The following JMJD1C variants were observed in gnomAD, a reference collection of about 807,000 sequenced individuals.
JMJD1C encodes jumonji domain-containing protein 1C.
JMJD1C carries 31 observed loss-of-function variants against 245.3 expected under a neutral mutation model. The observed-to-expected ratio is 0.13, with a 90% CI of 0.09 to 0.17. The LOEUF (loss-of-function observed/expected upper bound fraction) is 0.17, where lower values mean the gene tolerates loss of function less well. JMJD1C is among the 10% of genes least tolerant of loss of function. The probability of loss-of-function intolerance (pLI) is 1.00; values close to 1 mark genes in which losing one functional copy is unlikely to be tolerated. For missense variants in JMJD1C, 2,691 were observed against 3,000.2 expected (o/e 0.90, Z 2.41); for synonymous variants, 1,057 against 1,017.4 (o/e 1.04, Z -0.74).
intron 3 of JMJD1C, among the ~76,000 whole-genome samples, chr10:63,254,858 C>A (rs572094878): frequency 3.6e-4 from 53 of 148,912 alleles, no homozygotes; most frequent in African/African-American, 1.2e-3. Context: ...TAGCTCCCCC[C>A]CTTTTTTTTT....
chr10:63,224,327 C>T (rs2133324759), intron 3 of JMJD1C, among the ~76,000 whole-genome samples: 1 of 152,180 alleles, frequency 6.6e-6, no homozygotes, highest in South Asian at 2.1e-4. Flanking sequence ...CAAAAATTAG[C>T]TTTCTTAAAA....
chr10:63,417,479 A>G (rs1381006871), intron 1 of JMJD1C, among the ~76,000 whole-genome samples: 1 of 152,208 alleles, frequency 6.6e-6, no homozygotes, highest in East Asian at 1.9e-4. Context: ...TTACAAATGA[A>G]CAATTTTAAA....
intron 1 of JMJD1C, among the ~76,000 whole-genome samples, chr10:63,392,988 C>G (rs969118448): frequency 4.0e-5 from 6 of 150,970 alleles, no homozygotes. Context: ...AAAATGAGTC[C>G]AGGAGCAGCG....
At chr10:63,176,798 ATTTTTTT>A (rs10577726) in intron 23 of JMJD1C, 3,636 of 135,598 alleles carry the variant, frequency 0.027, 59 homozygotes, top group Non-Finnish European at 0.037. Flanking sequence ...GGAACAGGGT[ATTTTTTT>A]TTTTTTTTTT....
At chr10:63,495,154 G>C (rs1330882377) in intron 1 of JMJD1C, among the ~76,000 whole-genome samples, 1 of 151,596 alleles carries the variant, frequency 6.6e-6, no homozygotes, top group Admixed American at 6.6e-5. Context: ...AATGCCTCGG[G>C]CACAAAGAAT....
chr10:63,293,791 T>TA (rs1270864612), intron 2 of JMJD1C, among the ~76,000 whole-genome samples: 2 of 151,528 alleles, frequency 1.3e-5, no homozygotes, highest in Non-Finnish European at 2.9e-5. Flanking sequence ...TTTCTCTAAT[T>TA]TTTTTTTTCA....
At chr10:63,233,743 C>A (rs971333128) in intron 3 of JMJD1C, among the ~76,000 whole-genome samples, 13 of 90,170 alleles carry the variant, frequency 1.4e-4, no homozygotes, top group African/African-American at 7.2e-4. Flanking sequence ...ATATATATAT[C>A]CACACACGCG....
At chr10:63,188,046 G>A (rs1429037442) in intron 18 of JMJD1C, among the ~76,000 whole-genome samples, 2 of 152,088 alleles carry the variant, frequency 1.3e-5, no homozygotes, top group African/African-American at 2.4e-5. Flanking sequence ...CCAGCCTCTT[G>A]TCCACCTAGC....
At chr10:63,497,014 T>C (rs1316419379) in intron 1 of JMJD1C, among the ~76,000 whole-genome samples, 1 of 152,334 alleles carries the variant, frequency 6.6e-6, no homozygotes, top group Middle Eastern at 3.4e-3. Flanking sequence ...ACCTTTGTTA[T>C]TGTACATGTT....
intron 2 of JMJD1C, among the ~76,000 whole-genome samples, chr10:63,286,444 G>A (rs143880044): frequency 3.0e-4 from 45 of 152,312 alleles, no homozygotes; most frequent in African/African-American, 8.9e-4. Context: ...GGCCTAGAGT[G>A]AATATATCTC....
intron 2 of JMJD1C, among the ~76,000 whole-genome samples, chr10:63,276,286 G>T (rs1054679658): frequency 1.3e-5 from 2 of 152,006 alleles, no homozygotes; most frequent in African/African-American, 4.8e-5. Context: ...CTAAAACGGT[G>T]AAACCCCGTC....
At chr10:63,262,157 G>A (rs1039540504) in intron 3 of JMJD1C, among the ~76,000 whole-genome samples, 3 of 152,136 alleles carry the variant, frequency 2.0e-5, no homozygotes, top group African/African-American at 7.2e-5. Context: ...GATAGGTCAA[G>A]GCACTATTTA....
chr10:63,337,074 C>T (rs1942812525), intron 2 of JMJD1C, among the ~76,000 whole-genome samples: 1 of 151,990 alleles, frequency 6.6e-6, no homozygotes, highest in Admixed American at 6.5e-5. Context: ...CTCCTGACCT[C>T]AGGTGATCCG....
intron 24 of JMJD1C, 136 bp downstream of exon 24, chr10:63,176,161 T>C: frequency 3.9e-6 from 2 of 510,570 alleles, no homozygotes; most frequent in South Asian, 4.6e-5. Context: ...GATGTCATTC[T>C]AATAAAGGCA....
chr10:63,432,355 G>T (rs1359761566), intron 1 of JMJD1C, among the ~76,000 whole-genome samples: 1 of 152,116 alleles, frequency 6.6e-6, no homozygotes, highest in Non-Finnish European at 1.5e-5. Context: ...CTCCTTACTT[G>T]GTGCAAGTAA....
At position 63,176,455 on chromosome 10, in the gene JMJD1C, G is replaced by A; in HGVS notation, c.7243C>T (p.Leu2415Phe). The A allele has an allele frequency of 6.2e-7, 1 of 1,612,032 alleles. No homozygotes were observed. The highest frequency in any genetic ancestry group is 1.1e-5 in the South Asian group (1 of 90,944). ...FLQKISKEQG[L>F]EVLPEHDPIR... ...GGATCATGTTCTGGTAGAACTTCAA[G>A]GCCTTGTTCTTTTGAAATCTGAAAT... The change falls in exon 24 of 26, where the codon CTT (leucine) becomes TTT (phenylalanine). Residue 2415 changes from leucine to phenylalanine, a missense_variant. By Grantham distance (22) the Leu-to-Phe change is conservative. Transcript: ENST00000399262.
chr10:63,235,414 T>C (rs1326114719), intron 3 of JMJD1C, among the ~76,000 whole-genome samples: 3 of 152,082 alleles, frequency 2.0e-5, no homozygotes, highest in Non-Finnish European at 4.4e-5. Flanking sequence ...GGAGAACTGC[T>C]TGAACCCGCG....
chr10:63,447,620 G>C (rs759384167), intron 1 of JMJD1C, among the ~76,000 whole-genome samples: 4 of 151,910 alleles, frequency 2.6e-5, no homozygotes, highest in African/African-American at 7.3e-5. Context: ...AAATAATAAA[G>C]GTAACAGTTT....
At chr10:63,461,168 C>T (rs10159609) in intron 1 of JMJD1C, among the ~76,000 whole-genome samples, 100,860 of 151,988 alleles carry the variant, frequency 0.66, 36,240 homozygotes, top group Non-Finnish European at 0.81. Flanking sequence ...CAAGTCTTTA[C>T]CAGCAATAGC....
Sources: gnomAD v4.1 joint callset for allele counts (sites outside exome capture counted in the v4.1 genomes callset) on GRCh38, gnomAD v4.1.1 for gene constraint, MANE v1.5 for transcripts, NCBI Gene and HGNC (gene_info 2026-07-23, HGNC 2026-07-21) for gene names.